UNC80: variants seen among roughly 807,000 people sequenced by gnomAD.
The protein encoded by UNC80 is protein unc-80 homolog.
UNC80 carries 164 observed loss-of-function variants against 384.6 expected under a neutral mutation model. The ratio of observed to expected loss-of-function variants is 0.43; its 90% confidence interval spans 0.38 to 0.49. The LOEUF is 0.49. Ranked by LOEUF, UNC80 falls within the 20% of genes least tolerant of loss-of-function variation. The pLI is 0.00. For missense variants in UNC80, 3,330 were observed against 4,143.0 expected (o/e 0.80, Z 5.39); for synonymous variants, 1,486 against 1,527.8 (o/e 0.97, Z 0.64).
At position 209,839,636 on chromosome 2, in the gene UNC80, G is replaced by A. The variant is rs188728301; in HGVS notation, c.3250+206G>A. Among the ~76,000 whole-genome samples the A allele has an allele frequency of 3.3e-5, 5 of 152,140 alleles. No homozygotes were observed. Among genetic ancestry groups the A allele is most frequent in the Admixed American group, 2.6e-4 (4 of 15,288 alleles). On this transcript the variant is annotated intron_variant, in intron 19 of 64. Transcript: ENST00000673920. This position sits in a 1 kb window ranked among gnomAD's most constrained non-coding sequence, Gnocchi z 4.1. ...TCTTCTGTGTGCAATCACTACACTA[G>A]CCATCAAGGATTAAATAGCAAGCAA...
chr2:209,915,337 G>A (rs573646699), intron 31 of UNC80, among the ~76,000 whole-genome samples: 34 of 150,910 alleles, frequency 2.3e-4, no homozygotes, highest in African/African-American at 3.4e-4. Flanking sequence ...CCCGGGAGGC[G>A]GAACTTGCAG....
At chr2:209,894,648 G>A (rs952340003) in intron 27 of UNC80, among the ~76,000 whole-genome samples, 2 of 152,172 alleles carry the variant, frequency 1.3e-5, no homozygotes, top group African/African-American at 2.4e-5. Flanking sequence ...CAAGCTTTCT[G>A]GTGGAGCCGA....
chr2:209,811,300 T>G (rs749005283), intron 7 of UNC80, among the ~76,000 whole-genome samples: 14 of 152,174 alleles, frequency 9.2e-5, no homozygotes, highest in Non-Finnish European at 1.8e-4. Context: ...TTTGGAATGG[T>G]AAACCCAGCC....
Position 209,996,933 on chromosome 2 carries a change from A to T in UNC80, c.*1338A>T, listed in dbSNP as rs2093493061. 1.3e-5 allele frequency: 2 copies of T among 152,104 alleles called. No homozygotes were observed. Among genetic ancestry groups the T allele is most frequent in the South Asian group, 4.1e-4 (2 of 4,826 alleles). The allele number at this position is 152,104 out of a possible 1,614,324, so 9.4% of individuals were successfully genotyped here. A position where few individuals can be genotyped will look rare whatever the true frequency, so the allele number is the denominator to read the frequency against. On this transcript the variant is annotated 3_prime_UTR_variant, in exon 65 of 65. Coordinates refer to ENST00000673920, the MANE Select transcript of UNC80 (RefSeq NM_001371986.1). ...GTATGTGTTGTAGTCCTCAAGATGA[A>T]GTTAAATATAGACTTTAATTACCCT...
intron 18 of UNC80, among the ~76,000 whole-genome samples, chr2:209,837,775 T>G (rs2081427929): frequency 6.9e-6 from 1 of 143,906 alleles, no homozygotes; most frequent in South Asian, 2.1e-4. Context: ...ACCTACATCT[T>G]TTTTTTTTTT....
intron 22 of UNC80, among the ~76,000 whole-genome samples, chr2:209,850,719 A>T (rs1351697506): frequency 6.6e-6 from 1 of 152,106 alleles, no homozygotes; most frequent in Non-Finnish European, 1.5e-5. Context: ...AGAATTTTTT[A>T]AAAATTGCAT....
intron 22 of UNC80, among the ~76,000 whole-genome samples, chr2:209,870,707 C>G (rs1363672874): frequency 6.6e-6 from 1 of 152,084 alleles, no homozygotes; most frequent in Non-Finnish European, 1.5e-5. Context: ...TTGATGGCTG[C>G]ATTTAAGACA....
At chr2:209,935,587 C>G (rs1247998794) in intron 39 of UNC80, 127 bp from the exon 40 acceptor site, 3 of 394,092 alleles carry the variant, frequency 7.6e-6, no homozygotes, top group East Asian at 4.3e-5. Flanking sequence ...ATATATGTAA[C>G]TATGAATTAA....
chr2:209,904,186 C>G (rs2087892068), intron 28 of UNC80, among the ~76,000 whole-genome samples: 1 of 152,122 alleles, frequency 6.6e-6, no homozygotes, highest in Non-Finnish European at 1.5e-5. Context: ...AAGAGAAGAG[C>G]TAGGATGTTC....
In UNC80 at chr2:209,926,628, T is replaced by C. The variant is rs117817536; in HGVS notation, c.5663-215T>C. On this transcript the variant is annotated intron_variant, in intron 35 of 64. Coordinates refer to ENST00000673920, the MANE Select transcript of UNC80 (RefSeq NM_001371986.1). ...CTCATCCTACAAAAAATAAAAAAATTAGTCAGATGTGGTGGCACACCTATG... is the reference window on the plus strand; with the variant it reads ...CTCATCCTACAAAAAATAAAAAAATCAGTCAGATGTGGTGGCACACCTATG... Among the ~76,000 whole-genome samples, 183 of 152,068 alleles carry C rather than the reference T, an allele frequency of 1.2e-3. 2 individuals are homozygous for C. The East Asian group carries it at 0.03, about 25-fold the overall frequency.
chr2:209,898,572 A>G (rs1004350634), intron 28 of UNC80, among the ~76,000 whole-genome samples: 1 of 152,178 alleles, frequency 6.6e-6, no homozygotes, highest in Non-Finnish European at 1.5e-5. Context: ...TAATCACATC[A>G]AGAAGAATGG....
chr2:209,993,984 C>T, intron 63 of UNC80, 81 bp from the exon 64 acceptor site: 1 of 1,224,772 alleles, frequency 8.2e-7, no homozygotes, highest in Non-Finnish European at 1.1e-6. Flanking sequence ...CCAGGAGACA[C>T]TGGTTAATAC....
intron 29 of UNC80, among the ~76,000 whole-genome samples, chr2:209,911,480 G>T (rs2088934299): frequency 6.6e-6 from 1 of 152,088 alleles, no homozygotes; most frequent in South Asian, 2.1e-4. Context: ...TTAAAAGTTG[G>T]TTCTATACTC....
chr2:209,820,908 A>C (rs901941668), intron 13 of UNC80, among the ~76,000 whole-genome samples: 1 of 152,132 alleles, frequency 6.6e-6, no homozygotes, highest in African/African-American at 2.4e-5. Flanking sequence ...TGTTAGAGCT[A>C]ATTCTCTAGT....
chr2:209,781,435 A>G lies in UNC80; in HGVS notation c.600+3876A>G, dbSNP rs140497081. On this transcript the variant is annotated intron_variant, in intron 4 of 64. Coordinates refer to ENST00000673920, the MANE Select transcript of UNC80 (RefSeq NM_001371986.1). ...TGTACCAGAGTTGTTTTTCTTTTCC[A>G]CTCAGGTCATGAACAACTTCTGAGT... Among the ~76,000 whole-genome samples, 585 of 152,128 alleles carry G rather than the reference A, an allele frequency of 3.8e-3. 2 individuals are homozygous for G. Among genetic ancestry groups the G allele is most frequent in the African/African-American group, 0.013 (540 of 41,500 alleles).
At chr2:209,859,626 G>A (rs752517530) in intron 22 of UNC80, among the ~76,000 whole-genome samples, 2 of 152,148 alleles carry the variant, frequency 1.3e-5, no homozygotes, top group African/African-American at 4.8e-5. Flanking sequence ...CACAATGGTT[G>A]AACTAATTTA....
chr2:209,956,184 A>G (rs180930038), intron 48 of UNC80, among the ~76,000 whole-genome samples: 2 of 119,108 alleles, frequency 1.7e-5, no homozygotes, highest in East Asian at 5.3e-4. Context: ...ATTTAAAATT[A>G]TGTGGCTTTA....
chr2:209,895,218 C>G (rs1348261137), intron 27 of UNC80, among the ~76,000 whole-genome samples: 1 of 152,126 alleles, frequency 6.6e-6, no homozygotes, highest in African/African-American at 2.4e-5. Context: ...TCACCAGCTG[C>G]CTAACATTAA....
At chr2:209,841,355 GT>G (rs1300746930) in intron 20 of UNC80, among the ~76,000 whole-genome samples, 1 of 151,924 alleles carries the variant, frequency 6.6e-6, no homozygotes, top group Non-Finnish European at 1.5e-5. Context: ...TGTTGTTGTT[GT>G]TTTTGTTTTG....
Sources: gnomAD v4.1 joint callset for allele counts (sites outside exome capture counted in the v4.1 genomes callset) on GRCh38, gnomAD v4.1.1 for gene constraint, Gnocchi (gnomAD v3.1) non-coding constraint, MANE v1.5 for transcripts, NCBI Gene and HGNC (gene_info 2026-07-23, HGNC 2026-07-21) for gene names.